Variants in UFL1 observed in about 807,000 individuals in gnomAD.
The protein encoded by UFL1 is E3 UFM1-protein ligase 1.
A neutral mutation model predicts 99.3 loss-of-function variants in UFL1; 78 were observed. The observed-to-expected ratio is 0.79, with a 90% CI of 0.65 to 0.95. The LOEUF (loss-of-function observed/expected upper bound fraction) is 0.95. UFL1 is among the 40% of genes least tolerant of loss of function. UFL1 has a pLI of 0.00. For missense variants in UFL1, 936 were observed against 937.0 expected (o/e 1.00, Z 0.01); for synonymous variants, 335 against 322.2 (o/e 1.04, Z -0.42).
Position 96,553,408 on chromosome 6 carries a change from G to T in UFL1, c.2290G>T (p.Val764Phe). The change falls in exon 19 of 19, where the codon GTT becomes TTT. Residue 764 changes from valine (V) to phenylalanine (F), a missense_variant. By Grantham distance (50) the Val-to-Phe change is conservative. Coordinates refer to ENST00000369278, the MANE Select transcript of UFL1 (RefSeq NM_015323.5). ...NNELDKEQED[V>F]ASTTRKELQE... ...TGAATTAGACAAAGAACAAGAAGAT[G>T]TTGCCAGTACTACTCGTAAAGAGCT... The T allele has an allele frequency of 6.2e-7, 1 of 1,613,804 alleles. No individual in the cohort carries two copies. Among genetic ancestry groups the T allele is most frequent in the Non-Finnish European group, 8.5e-7 (1 of 1,179,842 alleles).
At chr6:96,536,626 C>G (rs1242044119) in intron 8 of UFL1, among the ~76,000 whole-genome samples, 1 of 151,626 alleles carries the variant, frequency 6.6e-6, no homozygotes, top group East Asian at 1.9e-4. Context: ...TTCTGTGGGT[C>G]TTGGAACTGA....
At chr6:96,536,432 A>C (rs576589658) in intron 8 of UFL1, 42 bp downstream of exon 8, 1 of 1,505,628 alleles carries the variant, frequency 6.6e-7, no homozygotes, top group Non-Finnish European at 9.1e-7. Flanking sequence ...TATTTTTAAC[A>C]CTAAACTCAT....
chr6:96,531,680 CAAAAACT>C (rs1769784693), intron 6 of UFL1, among the ~76,000 whole-genome samples: 1 of 152,110 alleles, frequency 6.6e-6, no homozygotes. Flanking sequence ...ATTACTTTGT[CAAAAACT>C]AAAAACTAAA....
In UFL1 at chr6:96,521,915, C is replaced by T; in HGVS notation, c.42C>T (p.Asp14=). The change falls in exon 1 of 19, where the codon GAC becomes GAT. Residue 14 remains aspartate (D), a synonymous_variant. Transcript: ENST00000369278. ...AAGAGATTAGGCGGTTGGCGGCCGA[C>T]TTCCAGCGGGCGCAGTTCGCCGAGG... ...AWEEIRRLAA[D]FQRAQFAEAT... 6.2e-7 allele frequency: 1 copy of T among 1,612,744 alleles called. No individual in the cohort carries two copies. Among genetic ancestry groups the T allele is most frequent in the Non-Finnish European group, 8.5e-7 (1 of 1,179,644 alleles).
chr6:96,547,934 C>G (rs1230705994), intron 12 of UFL1, among the ~76,000 whole-genome samples: 1 of 151,510 alleles, frequency 6.6e-6, no homozygotes, highest in Non-Finnish European at 1.5e-5. Flanking sequence ...ATTCATGTAA[C>G]AAGCATGCAT....
At chr6:96,522,063 C>A in intron 1 of UFL1, 113 bp downstream of exon 1, 2 of 1,191,866 alleles carry the variant, frequency 1.7e-6, no homozygotes, top group South Asian at 1.4e-5. Context: ...CGCTGCTTGT[C>A]ACCATTCTCT....
chr6:96,524,837 T>C (rs904864679), intron 3 of UFL1, among the ~76,000 whole-genome samples: 2 of 152,188 alleles, frequency 1.3e-5, no homozygotes, highest in African/African-American at 2.4e-5. Context: ...TATACAAATA[T>C]ATATGTCATT....
Position 96,529,915 on chromosome 6 carries a change from G to A in UFL1, c.596+1283G>A, listed in dbSNP as rs1229021395. On this transcript the variant is annotated intron_variant, in intron 6 of 18. Transcript: ENST00000369278. ...TTTTTTTTTCTGAACAATTTGAGAG[G>A]AGGTTGCTGACATGATGCTCTATCA... is the stretch of plus-strand genomic sequence containing the variant. Among the ~76,000 whole-genome samples the A allele has an allele frequency of 2.0e-5, 3 of 152,086 alleles. No individual in the cohort carries two copies. In the East Asian group the frequency reaches 5.8e-4, roughly 29 times the overall value.
At chr6:96,549,821 C>G (rs1332973525) in intron 15 of UFL1, 22 bp downstream of exon 15, 11 of 1,609,062 alleles carry the variant, frequency 6.8e-6, no homozygotes, top group Non-Finnish European at 9.3e-6. Context: ...ATCTCCCTAC[C>G]ACTATTGATG....
intron 5 of UFL1, 107 bp from the exon 6 acceptor site, chr6:96,528,395 A>C: frequency 7.6e-7 from 1 of 1,322,912 alleles, no homozygotes. Flanking sequence ...CTTCTCAATC[A>C]CATGACTGAT....
At chr6:96,538,894 G>T in intron 10 of UFL1, 84 bp downstream of exon 10, 1 of 1,189,310 alleles carries the variant, frequency 8.4e-7, no homozygotes, top group South Asian at 2.0e-5. Flanking sequence ...AAGGGGATAA[G>T]TGAAAGTGAA....
chr6:96,538,589 T>A, intron 9 of UFL1, 42 bp from the exon 10 acceptor site: 1 of 1,575,476 alleles, frequency 6.3e-7, no homozygotes, highest in Non-Finnish European at 8.7e-7. Context: ...CACTGTATTA[T>A]ATTGCATTTA....
chr6:96,551,169 T>TAAG (rs1277535218), intron 15 of UFL1, among the ~76,000 whole-genome samples: 1 of 151,952 alleles, frequency 6.6e-6, no homozygotes, highest in Non-Finnish European at 1.5e-5. Flanking sequence ...TTAACCCAAA[T>TAAG]ATTCTGTTTC....
intron 1 of UFL1, among the ~76,000 whole-genome samples, chr6:96,522,281 C>T (rs776359379): frequency 6.6e-5 from 10 of 152,178 alleles, no homozygotes; most frequent in Non-Finnish European, 1.2e-4. Flanking sequence ...CACCAAATCA[C>T]TGTGACATCT....
chr6:96,545,133 ACTGT>A (rs1245841892), intron 12 of UFL1, among the ~76,000 whole-genome samples: 3 of 151,186 alleles, frequency 2.0e-5, no homozygotes, highest in Non-Finnish European at 3.0e-5. Flanking sequence ...AGATAATAGT[ACTGT>A]CTGTCTACTC....
chr6:96,542,103 A>G (rs1769938895), intron 11 of UFL1, among the ~76,000 whole-genome samples: 1 of 151,318 alleles, frequency 6.6e-6, no homozygotes, highest in Non-Finnish European at 1.5e-5. Context: ...TCAATGGTTT[A>G]AACCCGTTAT....
In UFL1 at chr6:96,554,548, ACTTACTATTT is replaced by A. The variant is rs1273900531; in HGVS notation, c.*1046_*1055del. The A allele has an allele frequency of 1.3e-5, 2 of 151,928 alleles. No individual in the cohort carries two copies. The highest frequency in any genetic ancestry group is 4.8e-5 in the African/African-American group (2 of 41,436). 9.4% of individuals were successfully genotyped at this position (151,928 alleles called of 1,614,324 possible). ...CCAAATGAATTTCAAGCAACAACTT[ACTTACTATTT>A]ATCAAAAAGGGATTTAATTATTTTG... On this transcript the variant is annotated 3_prime_UTR_variant, in exon 19 of 19. Transcript: ENST00000369278.
intron 17 of UFL1, among the ~76,000 whole-genome samples, 166 bp downstream of exon 17, chr6:96,552,089 G>T (rs1175574706): frequency 1.3e-5 from 2 of 149,862 alleles, no homozygotes; most frequent in Non-Finnish European, 2.9e-5. Flanking sequence ...TCTTAAAATA[G>T]TTAGATATTT....
chr6:96,532,643 T>C (rs1016039207), intron 6 of UFL1, among the ~76,000 whole-genome samples: 9 of 152,212 alleles, frequency 5.9e-5, no homozygotes, highest in African/African-American at 1.9e-4. Context: ...TGCTTCCTCT[T>C]TCACTATGTG....
Sources: allele counts gnomAD v4.1 joint callset (sites outside exome capture counted in the v4.1 genomes callset), GRCh38; gene constraint gnomAD v4.1.1; transcripts MANE v1.5; gene names NCBI Gene and HGNC (gene_info 2026-07-23, HGNC 2026-07-21).